The following PHIP variants were observed in gnomAD, a reference collection of about 807,000 sequenced individuals.
PHIP encodes the protein PHIP subunit of CUL4-Ring ligase complex.
Under a neutral mutation model 236.8 loss-of-function variants are expected in PHIP, and 54 were observed. The ratio of observed to expected loss-of-function variants is 0.23; its 90% CI spans 0.18 to 0.29. The LOEUF (loss-of-function observed/expected upper bound fraction) is 0.29. Among genes scored for constraint, PHIP ranks in the 10% least tolerant of loss-of-function variants. The probability of loss-of-function intolerance (pLI) is 1.00; values close to 1 mark genes in which losing one functional copy is unlikely to be tolerated. For missense variants in PHIP, 1,370 were observed against 2,190.8 expected (o/e 0.63, Z 7.48); for synonymous variants, 756 against 718.9 (o/e 1.05, Z -0.83).
At chr6:79,056,782 A>G (rs1365681844) in intron 6 of PHIP, among the ~76,000 whole-genome samples, 1 of 152,168 alleles carries the variant, frequency 6.6e-6, no homozygotes, top group East Asian at 1.9e-4. Flanking sequence ...GCAGGGGCTC[A>G]AGTAGCAATT....
rs567343794 is a variant in PHIP, at chr6:78,993,418, C to G, written c.2202-2433G>C. ...TAAATGGAAGAAGATATCATCTGGA[C>G]TTTCACAGCTAGAGAGAAGTAAGGG... is the stretch of plus-strand genomic sequence containing the variant. On this transcript the variant is annotated intron_variant, in intron 19 of 39. Transcript: ENST00000275034. Among the ~76,000 whole-genome samples, 3 of 152,130 alleles carry G rather than the reference C, an allele frequency of 2.0e-5. No individual in the cohort carries two copies. In the South Asian group the frequency reaches 6.2e-4, roughly 32 times the overall value.
intron 6 of PHIP, among the ~76,000 whole-genome samples, chr6:79,050,159 A>T (rs959851885): frequency 7.2e-5 from 11 of 152,134 alleles, no homozygotes; most frequent in African/African-American, 2.7e-4. Context: ...GCAATTAATA[A>T]TGTGGGTATA....
In PHIP at chr6:79,042,830, A is replaced by G. The variant is rs759908774; in HGVS notation, c.600+13T>C. 6.4e-7 allele frequency: 1 copy of G among 1,559,308 alleles called. No homozygotes were observed. The highest frequency in any genetic ancestry group is 8.7e-7 in the Non-Finnish European group (1 of 1,146,102). On this transcript the variant is annotated intron_variant, in intron 7 of 39. Coordinates refer to ENST00000275034, the MANE Select transcript of PHIP (RefSeq NM_017934.7). Reference sequence around the variant, plus strand: ...CATATATGAATATAAATAATACTTTAGCAATTACTTACAGTAAATATCCGT... The same window carrying G: ...CATATATGAATATAAATAATACTTTGGCAATTACTTACAGTAAATATCCGT...
At chr6:78,961,646 TCA>T in intron 31 of PHIP, 42 bp downstream of exon 31, 1 of 1,597,348 alleles carries the variant, frequency 6.3e-7, no homozygotes, top group Non-Finnish European at 8.6e-7. Flanking sequence ...GGTGGAAAGA[TCA>T]CCAGCTTTCC....
chr6:79,034,070 C>G (rs1365416556), intron 7 of PHIP, among the ~76,000 whole-genome samples: 2 of 151,946 alleles, frequency 1.3e-5, no homozygotes, highest in Non-Finnish European at 2.9e-5. Context: ...TTATAGATCA[C>G]CATAACAGTT....
intron 6 of PHIP, among the ~76,000 whole-genome samples, chr6:79,057,923 C>T (rs957277246): frequency 6.6e-6 from 1 of 152,014 alleles, no homozygotes; most frequent in African/African-American, 2.4e-5. Context: ...AAATATATAC[C>T]ATGGTGAACT....
chr6:79,044,927 A>T (rs1455937171), intron 6 of PHIP, among the ~76,000 whole-genome samples: 1 of 152,174 alleles, frequency 6.6e-6, no homozygotes, highest in Non-Finnish European at 1.5e-5. Context: ...CTAAACTGGG[A>T]TTAAATCTAT....
intron 7 of PHIP, 138 bp from the exon 8 acceptor site, chr6:79,026,302 T>A: frequency 1.5e-6 from 1 of 667,854 alleles, no homozygotes; most frequent in Non-Finnish European, 2.6e-6. Flanking sequence ...ATACTTGTGT[T>A]AGCTTACACA....
At chr6:79,019,966 C>T (rs1771029409) in intron 9 of PHIP, among the ~76,000 whole-genome samples, 1 of 152,110 alleles carries the variant, frequency 6.6e-6, no homozygotes. Flanking sequence ...TGAAGCCCTA[C>T]TTACTGTACA....
chr6:78,963,355 G>T, intron 29 of PHIP, 103 bp from the exon 30 acceptor site: 1 of 829,222 alleles, frequency 1.2e-6, no homozygotes, highest in Non-Finnish European at 1.8e-6. Context: ...AGTATATTTT[G>T]TATAGATTTG....
chr6:79,011,769 A>T (rs1015501470), intron 15 of PHIP, among the ~76,000 whole-genome samples: 4 of 151,760 alleles, frequency 2.6e-5, no homozygotes, highest in African/African-American at 7.2e-5. Flanking sequence ...AATTATTTAA[A>T]CATAAAAGAA....
At chr6:78,975,458 T>C (rs1353117722) in intron 24 of PHIP, among the ~76,000 whole-genome samples, 1 of 152,166 alleles carries the variant, frequency 6.6e-6, no homozygotes, top group Admixed American at 6.5e-5. Context: ...CTTTGAAAAC[T>C]GGCACAAGAC....
At chr6:78,944,566 T>C (rs1773699580) in intron 39 of PHIP, among the ~76,000 whole-genome samples, 1 of 152,188 alleles carries the variant, frequency 6.6e-6, no homozygotes, top group African/African-American at 2.4e-5. Context: ...AACAAAAAGC[T>C]GTTGAACAGA....
intron 6 of PHIP, among the ~76,000 whole-genome samples, chr6:79,057,151 A>C (rs1480529648): frequency 6.6e-6 from 1 of 152,152 alleles, no homozygotes; most frequent in Non-Finnish European, 1.5e-5. Context: ...AAGAGGTCCA[A>C]CAGTTTCCAT....
chr6:79,035,699 A>C (rs1771899017), intron 7 of PHIP, among the ~76,000 whole-genome samples: 1 of 152,200 alleles, frequency 6.6e-6, no homozygotes. Flanking sequence ...AATGCCAAAA[A>C]TGTTGTCTGT....
chr6:78,957,653 G>C (rs538418080), intron 32 of PHIP: 1 of 148,968 alleles, frequency 6.7e-6, no homozygotes, highest in South Asian at 2.1e-4. Context: ...AGCTAAGTAA[G>C]CTTTTAAAAT....
chr6:78,991,552 G>GA lies in PHIP; in HGVS notation c.2202-568dup, dbSNP rs1181291255. ...AATTTTAAACTTTAATACAAAAAAT[G>GA]AACTCATGAGAAGATAATTTTATTT... is the stretch of plus-strand genomic sequence containing the variant. On this transcript the variant is annotated intron_variant, in intron 19 of 39. Coordinates refer to ENST00000275034, the MANE Select transcript of PHIP (RefSeq NM_017934.7). Among the ~76,000 whole-genome samples, 16 of 152,066 alleles carry GA rather than the reference G, an allele frequency of 1.1e-4. No homozygotes were observed. The South Asian group carries it at 2.9e-3, about 28-fold the overall frequency.
intron 9 of PHIP, among the ~76,000 whole-genome samples, chr6:79,023,801 C>T (rs1284994264): frequency 1.3e-5 from 2 of 152,064 alleles, no homozygotes; most frequent in African/African-American, 4.8e-5. Flanking sequence ...GCAATAAAAT[C>T]CTCAAGAAGC....
At chr6:79,012,299 A>C (rs1770624403) in intron 15 of PHIP, among the ~76,000 whole-genome samples, 1 of 151,776 alleles carries the variant, frequency 6.6e-6, no homozygotes, top group African/African-American at 2.4e-5. Flanking sequence ...TTTGTACTAA[A>C]ACTGTTATTC....
Sources: allele counts gnomAD v4.1 joint callset (sites outside exome capture counted in the v4.1 genomes callset), GRCh38; gene constraint gnomAD v4.1.1; transcripts MANE v1.5; gene names NCBI Gene and HGNC (gene_info 2026-07-23, HGNC 2026-07-21).